MARCHF1: variants seen among roughly 807,000 people sequenced by gnomAD.
The protein encoded by MARCHF1 is membrane associated ring-CH-type finger 1.
Under a neutral mutation model 54.2 loss-of-function variants are expected in MARCHF1, and 40 were observed. The ratio of observed to expected loss-of-function variants is 0.74; its 90% CI spans 0.57 to 0.96. The LOEUF (loss-of-function observed/expected upper bound fraction) is 0.96, where lower values mean the gene tolerates loss of function less well. Ranked by LOEUF, MARCHF1 falls within the 40% of genes least tolerant of loss-of-function variation. The pLI, the probability that MARCHF1 is intolerant of heterozygous loss-of-function variation, is 0.00. For synonymous variants in MARCHF1, 236 were observed against 236.3 expected (o/e 1.00, Z 0.01); for missense variants, 586 against 656.5 (o/e 0.89, Z 1.17).
chr4:164,232,851 A>T (rs1193027062), intron 1 of MARCHF1, among the ~76,000 whole-genome samples: 2 of 152,212 alleles, frequency 1.3e-5, no homozygotes, highest in African/African-American at 4.8e-5. Context: ...CACAACTACA[A>T]ATGCCACACA....
chr4:163,774,290 C>A (rs1195083457), intron 4 of MARCHF1, among the ~76,000 whole-genome samples: 1 of 152,108 alleles, frequency 6.6e-6, no homozygotes, highest in Non-Finnish European at 1.5e-5. Context: ...CAAATATTTT[C>A]AATCCACTGT....
intron 4 of MARCHF1, among the ~76,000 whole-genome samples, chr4:163,805,973 T>A (rs1445038995): frequency 6.6e-6 from 1 of 152,192 alleles, no homozygotes; most frequent in Non-Finnish European, 1.5e-5. Context: ...CTAGTTTCAT[T>A]CTATCCACTA....
chr4:163,823,836 C>G (rs374358883), intron 4 of MARCHF1, among the ~76,000 whole-genome samples: 2 of 151,484 alleles, frequency 1.3e-5, no homozygotes, highest in Non-Finnish European at 3.0e-5. Flanking sequence ...TTAATAAAAC[C>G]ATAGTCAATG....
At chr4:163,698,198 A>C (rs1744694414) in intron 5 of MARCHF1, among the ~76,000 whole-genome samples, 1 of 152,212 alleles carries the variant, frequency 6.6e-6, no homozygotes, top group African/African-American at 2.4e-5. Context: ...AGTTTTCAAC[A>C]TAAGCAGTTA....
chr4:163,639,427 C>T (rs1742475631), intron 5 of MARCHF1, among the ~76,000 whole-genome samples: 1 of 152,092 alleles, frequency 6.6e-6, no homozygotes, highest in Admixed American at 6.6e-5. Context: ...CAGTGGTAAA[C>T]ATTTATGTTC....
intron 1 of MARCHF1, among the ~76,000 whole-genome samples, chr4:164,140,098 C>T (rs1756491648): frequency 6.6e-6 from 1 of 151,726 alleles, no homozygotes; most frequent in African/African-American, 2.4e-5. Flanking sequence ...CTAATAGCAC[C>T]AATATTTCTC....
rs186937226 is a variant in MARCHF1, at chr4:163,842,360, T to C, written c.111+11661A>G. Among the ~76,000 whole-genome samples, 121 of 152,128 alleles carry C rather than the reference T, an allele frequency of 8.0e-4. No individual in the cohort carries two copies. The South Asian group carries it at 8.3e-3, about 10-fold the overall frequency. On this transcript the variant is annotated intron_variant, in intron 4 of 9. Transcript: ENST00000514618. ...TTGAGAATCATGTATCTCTAAGATA[T>C]ATATGTATATATAAATATTAGAGAA...
chr4:164,065,163 A>T (rs1754700585), intron 2 of MARCHF1, among the ~76,000 whole-genome samples: 1 of 152,208 alleles, frequency 6.6e-6, no homozygotes, highest in South Asian at 2.1e-4. Flanking sequence ...TGCTGGCCTC[A>T]TAGAATGAGT....
At chr4:163,594,161 T>C (rs1456700328) in intron 7 of MARCHF1, among the ~76,000 whole-genome samples, 1 of 151,874 alleles carries the variant, frequency 6.6e-6, no homozygotes, top group Non-Finnish European at 1.5e-5. Context: ...GGCATGGGAA[T>C]TGGAATTGAA....
chr4:164,062,761 T>G (rs1754647045), intron 2 of MARCHF1, among the ~76,000 whole-genome samples: 1 of 152,148 alleles, frequency 6.6e-6, no homozygotes, highest in South Asian at 2.1e-4. Flanking sequence ...TGACCTCAGG[T>G]GATCCGCCCG....
chr4:164,345,525 G>C (rs930433230), intron 1 of MARCHF1, among the ~76,000 whole-genome samples: 3 of 151,300 alleles, frequency 2.0e-5, no homozygotes, highest in African/African-American at 7.3e-5. Context: ...AGCCAAGATG[G>C]TGCCACTGCA....
At chr4:163,856,663 T>C (rs1463232233) in intron 3 of MARCHF1, among the ~76,000 whole-genome samples, 1 of 152,184 alleles carries the variant, frequency 6.6e-6, no homozygotes, top group African/African-American at 2.4e-5. Context: ...TCTTCTGAGT[T>C]GTCAGGTATG....
chr4:163,693,448 T>C (rs935810706), intron 5 of MARCHF1, among the ~76,000 whole-genome samples: 2 of 151,446 alleles, frequency 1.3e-5, no homozygotes, highest in Admixed American at 1.3e-4. Context: ...CCTAGAATGA[T>C]AGAAGGTTCT....
chr4:164,050,189 C>T (rs1386910359), intron 2 of MARCHF1, among the ~76,000 whole-genome samples: 1 of 141,970 alleles, frequency 7.0e-6, no homozygotes, highest in Admixed American at 7.6e-5. Context: ...GCAGGAGAAT[C>T]GCTTGAACCC....
chr4:163,844,763 A>C (rs1345227487), intron 4 of MARCHF1, among the ~76,000 whole-genome samples: 1 of 152,198 alleles, frequency 6.6e-6, no homozygotes, highest in Non-Finnish European at 1.5e-5. Flanking sequence ...CCAAACCTGC[A>C]ACTTAGCAAT....
chr4:163,688,848 G>A (rs768066816), intron 5 of MARCHF1, among the ~76,000 whole-genome samples: 5 of 152,096 alleles, frequency 3.3e-5, no homozygotes, highest in Non-Finnish European at 7.4e-5. Context: ...TCAGAGATTC[G>A]TTATACTGAA....
chr4:164,041,659 G>C (rs954460072), intron 2 of MARCHF1, among the ~76,000 whole-genome samples: 4 of 152,140 alleles, frequency 2.6e-5, no homozygotes, highest in Non-Finnish European at 2.9e-5. Context: ...TCTAGCACCA[G>C]TAGCATCAAC....
intron 2 of MARCHF1, among the ~76,000 whole-genome samples, chr4:164,047,957 T>C (rs920494896): frequency 1.1e-4 from 16 of 152,300 alleles, no homozygotes; most frequent in African/African-American, 3.8e-4. Context: ...ACCAACATTT[T>C]TCCCAGAGCA....
At chr4:163,630,815 CA>C (rs1742049684) in intron 5 of MARCHF1, among the ~76,000 whole-genome samples, 1 of 142,372 alleles carries the variant, frequency 7.0e-6, no homozygotes, top group Non-Finnish European at 1.5e-5. Context: ...AAGATGAATA[CA>C]AAAAAGGAAA....
Sources: allele counts gnomAD v4.1 joint callset (sites outside exome capture counted in the v4.1 genomes callset), GRCh38; gene constraint gnomAD v4.1.1; transcripts MANE v1.5; gene names NCBI Gene and HGNC (gene_info 2026-07-23, HGNC 2026-07-21).